SRC: variants seen among roughly 807,000 people sequenced by gnomAD.
SRC encodes proto-oncogene tyrosine-protein kinase Src.
SRC carries 13 observed loss-of-function variants against 62.9 expected under a neutral mutation model. The ratio of observed to expected loss-of-function variants is 0.21; its 90% CI spans 0.13 to 0.33. The LOEUF is 0.33. SRC is among the 10% of genes least tolerant of loss of function. The probability of loss-of-function intolerance (pLI) is 1.00; values close to 1 mark genes in which losing one functional copy is unlikely to be tolerated. For missense variants in SRC, 457 were observed against 737.3 expected, an observed-to-expected ratio of 0.62 and a Z score of 4.40; for synonymous variants, 302 against 317.5, an observed-to-expected ratio of 0.95 and a Z score of 0.52.
chr20:37,379,140 G>A (rs549211070), intron 2 of SRC, among the ~76,000 whole-genome samples: 10 of 152,172 alleles, frequency 6.6e-5, no homozygotes, highest in South Asian at 2.1e-4. Flanking sequence ...TCGAGGGAGC[G>A]AGCCATAGTG....
At chr20:37,346,712 G>A (rs1490893278) in intron 1 of SRC, among the ~76,000 whole-genome samples, 2 of 152,158 alleles carry the variant, frequency 1.3e-5, no homozygotes, top group Non-Finnish European at 1.5e-5. Flanking sequence ...GGGCCCCGGG[G>A]TCAGGGCGCC....
chr20:37,370,030 C>T (rs1252784872), intron 2 of SRC, among the ~76,000 whole-genome samples: 2 of 152,148 alleles, frequency 1.3e-5, no homozygotes, highest in Admixed American at 1.3e-4. Context: ...TAACTCCTGA[C>T]CTCAGGTGAT....
In SRC at chr20:37,384,550, T is replaced by TGGGGGGG; in HGVS notation, c.250+148_250+154dup. The TGGGGGGG allele has an allele frequency of 6.1e-6, 1 of 162,732 alleles. No homozygotes were observed. The highest frequency in any genetic ancestry group is 8.9e-6 in the Non-Finnish European group (1 of 111,882). The allele number at this position is 162,732 out of a possible 1,614,324, so 10.1% of individuals were successfully genotyped here. A position where few individuals can be genotyped will look rare whatever the true frequency, so the allele number is the denominator to read the frequency against. The stretch of plus-strand genomic sequence containing the variant: ...CTGGGTGACTTGGGTGTCCGGGGGG[T>TGGGGGGG]GGGGGGGCGGCCGTACACACTGTGA... On this transcript the variant is annotated intron_variant, in intron 4 of 13. Coordinates refer to ENST00000373578, the MANE Select transcript of SRC (RefSeq NM_198291.3). The surrounding 1 kb of genome is among the most constrained non-coding windows in gnomAD (Gnocchi z 6.7).
chr20:37,400,403 C>A, intron 10 of SRC, 109 bp downstream of exon 10: 1 of 987,750 alleles, frequency 1.0e-6, no homozygotes, highest in Non-Finnish European at 1.4e-6. Flanking sequence ...AGGTGGAATG[C>A]AGTAGAGCCA....
At chr20:37,383,316 G>A (rs537445669) in intron 3 of SRC, among the ~76,000 whole-genome samples, 1 of 152,348 alleles carries the variant, frequency 6.6e-6, no homozygotes, top group Admixed American at 6.5e-5. Flanking sequence ...GGAATGGTAT[G>A]TGTGAAGGCC....
In SRC at chr20:37,397,870, T is replaced by C. The variant is rs991084756; in HGVS notation, c.859+16T>C. 1.9e-6 allele frequency: 3 copies of C among 1,600,780 alleles called. No homozygotes were observed. The highest frequency in any genetic ancestry group is 2.7e-5 in the African/African-American group (2 of 74,482). On this transcript the variant is annotated intron_variant, in intron 9 of 13. Transcript: ENST00000373578. The surrounding 1 kb of genome is among the most constrained non-coding windows in gnomAD (Gnocchi z 4.1). ...GTGTGGATGGGTAAGGCCTGGCCCCTGCCCTCGGGAGAGGCATCCACCCCC... is the reference window on the plus strand; with the variant it reads ...GTGTGGATGGGTAAGGCCTGGCCCCCGCCCTCGGGAGAGGCATCCACCCCC...
rs377282155 is a variant in SRC at position 37,396,342 on chromosome 20, C to T, written c.703+31C>T. On this transcript the variant is annotated intron_variant, in intron 8 of 13. Coordinates refer to ENST00000373578, the MANE Select transcript of SRC (RefSeq NM_198291.3). This position sits in a 1 kb window ranked among gnomAD's most constrained non-coding sequence, Gnocchi z 6.1. ...CCAGCCTCGGAGGGCGGAGGGCGGG[C>T]GGGCAAAGCCTCAGCTGCAGACTCT... The T allele has an allele frequency of 5.7e-5, 92 of 1,607,094 alleles. No homozygotes were observed. Among genetic ancestry groups the T allele is most frequent in the Middle Eastern group, 5.1e-4 (3 of 5,936 alleles).
chr20:37,370,268 G>A (rs143859075), intron 2 of SRC, among the ~76,000 whole-genome samples: 78 of 152,222 alleles, frequency 5.1e-4, no homozygotes, highest in Non-Finnish European at 9.4e-4. Flanking sequence ...CACATTAATC[G>A]ATTTTCAGAA....
intron 2 of SRC, among the ~76,000 whole-genome samples, chr20:37,373,727 G>T (rs186673544): frequency 1.8e-3 from 273 of 152,352 alleles, no homozygotes; most frequent in African/African-American, 6.3e-3. Context: ...ATGGCAGATT[G>T]TTGGTCCTAG....
intron 2 of SRC, among the ~76,000 whole-genome samples, chr20:37,372,263 C>T (rs1354806131): frequency 6.6e-6 from 1 of 152,208 alleles, no homozygotes; most frequent in Non-Finnish European, 1.5e-5. Flanking sequence ...GCTAGGATTA[C>T]AGGCGTGAGC....
At chr20:37,373,111 T>TAC (rs145022620) in intron 2 of SRC, among the ~76,000 whole-genome samples, 7,488 of 135,862 alleles carry the variant, frequency 0.055, 266 homozygotes, top group Non-Finnish European at 0.059. Flanking sequence ...CACATATATG[T>TAC]ACACACACAT....
At chr20:37,355,831 C>T (rs745734319) in intron 1 of SRC, among the ~76,000 whole-genome samples, 48 of 152,076 alleles carry the variant, frequency 3.2e-4, no homozygotes, top group Non-Finnish European at 5.1e-4. Flanking sequence ...AGTAGCCAGG[C>T]GGTGTGGATA....
intron 2 of SRC, among the ~76,000 whole-genome samples, chr20:37,368,924 T>C (rs1297173400): frequency 6.6e-6 from 1 of 152,238 alleles, no homozygotes; most frequent in Non-Finnish European, 1.5e-5. Context: ...TTTGTGTTGA[T>C]TTTTATGCAG....
At chr20:37,401,047 A>T (rs1426169558) in intron 10 of SRC, among the ~76,000 whole-genome samples, 1 of 151,986 alleles carries the variant, frequency 6.6e-6, no homozygotes, top group Non-Finnish European at 1.5e-5. Flanking sequence ...CCCAGGCTGG[A>T]GTGCAGTGGC....
At chr20:37,379,942 T>TAA (rs57772720) in intron 2 of SRC, among the ~76,000 whole-genome samples, 5 of 51,458 alleles carry the variant, frequency 9.7e-5, no homozygotes, top group Non-Finnish European at 1.7e-4. Context: ...GAGCTTGGAG[T>TAA]AAAAAAAAAA....
chr20:37,367,895 T>C (rs1309964398), intron 2 of SRC, among the ~76,000 whole-genome samples: 1 of 152,206 alleles, frequency 6.6e-6, no homozygotes, highest in South Asian at 2.1e-4. Flanking sequence ...TCCTCCTGTC[T>C]TGGCTTCCAA....
intron 2 of SRC, among the ~76,000 whole-genome samples, chr20:37,380,430 T>G (rs1241924071): frequency 6.6e-6 from 1 of 152,218 alleles, no homozygotes; most frequent in African/African-American, 2.4e-5. Context: ...AAGACATGAT[T>G]AGTATTTACC....
chr20:37,396,694 AGAG>A lies in SRC; in HGVS notation c.703+391_703+393del. On this transcript the variant is annotated intron_variant, in intron 8 of 13. Transcript: ENST00000373578. This position sits in a 1 kb window ranked among gnomAD's most constrained non-coding sequence, Gnocchi z 6.1. The stretch of plus-strand genomic sequence containing the variant: ...GGACCGGTCTGAACCGGTTGCTGGG[AGAG>A]GAGGAGGGGGCGGCCAGATCGATTG... 4.8e-6 allele frequency: 1 copy of A among 207,626 alleles called. No homozygotes were observed. The highest frequency in any genetic ancestry group is 9.7e-6 in the Non-Finnish European group (1 of 102,574). 12.9% of individuals were successfully genotyped at this position (207,626 alleles called of 1,614,324 possible).
At chr20:37,389,115 C>T (rs988145153) in intron 5 of SRC, among the ~76,000 whole-genome samples, 3 of 152,106 alleles carry the variant, frequency 2.0e-5, no homozygotes, top group East Asian at 1.9e-4. Flanking sequence ...CCAGAGATCC[C>T]GCGCCATGGA....
Sources: gnomAD v4.1 joint callset for allele counts (sites outside exome capture counted in the v4.1 genomes callset) on GRCh38, gnomAD v4.1.1 for gene constraint, Gnocchi (gnomAD v3.1) non-coding constraint, MANE v1.5 for transcripts, NCBI Gene and HGNC (gene_info 2026-07-23, HGNC 2026-07-21) for gene names.